The following PIK3CD variants were observed in gnomAD, a reference collection of about 807,000 sequenced individuals.
PIK3CD encodes the protein phosphatidylinositol-4,5-bisphosphate 3-kinase catalytic subunit delta, also known as phosphatidylinositol 4,5-bisphosphate 3-kinase catalytic subunit delta isoform.
PIK3CD carries 20 observed loss-of-function variants against 122.9 expected under a neutral mutation model. The ratio of observed to expected loss-of-function variants is 0.16; its 90% CI spans 0.11 to 0.24. The LOEUF (loss-of-function observed/expected upper bound fraction) is 0.24. PIK3CD is among the 10% of genes least tolerant of loss of function. The pLI, the probability that PIK3CD is intolerant of heterozygous loss-of-function variation, is 1.00. For missense variants in PIK3CD, 787 were observed against 1,406.3 expected (o/e 0.56, Z 7.04); for synonymous variants, 596 against 593.4 (o/e 1.00, Z -0.06).
rs906574650 is a variant in PIK3CD, at chr1:9,719,115, C to T, written c.1242+200C>T. Among the ~76,000 whole-genome samples, 2 of 152,244 alleles carry T rather than the reference C, an allele frequency of 1.3e-5. No individual in the cohort carries two copies. The highest frequency in any genetic ancestry group is 4.8e-5 in the African/African-American group (2 of 41,472). Reference sequence around the variant, plus strand: ...GAGGGACACTCTGGGCTCCTGGGCTCCTGTGCATGCGGCCTCAGAATATCT... The same window carrying T: ...GAGGGACACTCTGGGCTCCTGGGCTTCTGTGCATGCGGCCTCAGAATATCT... On this transcript the variant is annotated intron_variant, in intron 9 of 23. Coordinates refer to ENST00000377346, the MANE Select transcript of PIK3CD (RefSeq NM_005026.5). This position sits in a 1 kb window ranked among gnomAD's most constrained non-coding sequence, Gnocchi z 5.5.
At chr1:9,706,351 G>T (rs761486485) in intron 2 of PIK3CD, among the ~76,000 whole-genome samples, 1 of 151,702 alleles carries the variant, frequency 6.6e-6, no homozygotes, top group African/African-American at 2.4e-5. Flanking sequence ...AAGTTAGCAG[G>T]GCATGGTGGC....
At chr1:9,676,405 G>A (rs114033158) in intron 1 of PIK3CD, among the ~76,000 whole-genome samples, 3,424 of 152,306 alleles carry the variant, frequency 0.022, 57 homozygotes, top group Non-Finnish European at 0.036. Flanking sequence ...TGGAGTTGGC[G>A]TCTTGGACTC....
At chr1:9,684,518 CAGAG>C (rs897744124) in intron 1 of PIK3CD, among the ~76,000 whole-genome samples, 2 of 139,612 alleles carry the variant, frequency 1.4e-5, no homozygotes, top group Admixed American at 7.7e-5. Flanking sequence ...GCCTGGGCGA[CAGAG>C]AGAGACTCCG....
chr1:9,722,188 C>A lies in PIK3CD; in HGVS notation c.2234+35C>A. Reference sequence around the variant, plus strand: ...AGCCCCGCCACAAGGGTTCCTCCCACCCCTGGGAGGCCGGTAGAGGAGCCC... The same window carrying A: ...AGCCCCGCCACAAGGGTTCCTCCCAACCCTGGGAGGCCGGTAGAGGAGCCC... On this transcript the variant is annotated intron_variant, in intron 17 of 23. Coordinates refer to ENST00000377346, the MANE Select transcript of PIK3CD (RefSeq NM_005026.5). The surrounding 1 kb of genome is among the most constrained non-coding windows in gnomAD (Gnocchi z 7.6). 6.2e-7 allele frequency: 1 copy of A among 1,611,734 alleles called. No homozygotes were observed. Among genetic ancestry groups the A allele is most frequent in the Non-Finnish European group, 8.5e-7 (1 of 1,179,076 alleles).
intron 1 of PIK3CD, among the ~76,000 whole-genome samples, chr1:9,676,057 G>A (rs942479327): frequency 1.3e-5 from 2 of 150,980 alleles, no homozygotes; most frequent in South Asian, 2.1e-4. Flanking sequence ...TCAGCCTCCC[G>A]AATAGCTGGG....
Position 9,722,124 on chromosome 1 carries a change from C to G in PIK3CD, c.2205C>G (p.Leu735=). The G allele has an allele frequency of 1.2e-6, 2 of 1,613,196 alleles. No individual in the cohort carries two copies. Among genetic ancestry groups the G allele is most frequent in the Non-Finnish European group, 1.7e-6 (2 of 1,179,918 alleles). The stretch of plus-strand genomic sequence containing the variant: ...CCCTCTCCCACCTGCAGTCCCCACT[C>G]GACCCCAGCACCCTGCTGGCTGAAG... ...LEALSHLQSP[L]DPSTLLAEVC... The change falls in exon 17 of 24, where the codon CTC becomes CTG. Residue 735 remains leucine (L), a synonymous_variant. Coordinates refer to ENST00000377346, the MANE Select transcript of PIK3CD (RefSeq NM_005026.5). This position sits in a 1 kb window ranked among gnomAD's most constrained non-coding sequence, Gnocchi z 7.6.
Position 9,716,466 on chromosome 1 carries a change from C to T in PIK3CD, c.627C>T (p.Thr209=). The T allele has an allele frequency of 6.2e-7, 1 of 1,611,126 alleles. No individual in the cohort carries two copies. Among genetic ancestry groups the T allele is most frequent in the Non-Finnish European group, 8.5e-7 (1 of 1,179,928 alleles). ...SEESFTFQVS[T]KDVPLALMAC... ...AGAGCTTCACCTTCCAGGTGTCCAC[C>T]AAGGACGTGCCGCTGGCGCTGATGG... Residue 209 remains threonine (T), a synonymous_variant, in exon 6 of 24, where the codon ACC becomes ACT. Coordinates refer to ENST00000377346, the MANE Select transcript of PIK3CD (RefSeq NM_005026.5).
chr1:9,725,600 C>T (rs761655347), intron 23 of PIK3CD, among the ~76,000 whole-genome samples: 13 of 151,178 alleles, frequency 8.6e-5, no homozygotes, highest in South Asian at 2.1e-4. Flanking sequence ...TTTTCCAGGC[C>T]GGGTGCGGTG....
the PIK3CD span, among the ~76,000 whole-genome samples, chr1:9,646,229 G>A: frequency 6.6e-6 from 1 of 152,156 alleles, no homozygotes; most frequent in Non-Finnish European, 1.5e-5. Flanking sequence ...TCCGTAAATT[G>A]GGGATAAGAT....
intron 23 of PIK3CD, among the ~76,000 whole-genome samples, chr1:9,726,266 T>G: frequency 6.6e-6 from 1 of 152,012 alleles, no homozygotes; most frequent in Non-Finnish European, 1.5e-5. Context: ...CCCAGCACTT[T>G]GGGAGGCCAA....
At chr1:9,654,666 T>C in intron 1 of PIK3CD, 1 of 358,188 alleles carries the variant, frequency 2.8e-6, no homozygotes, top group South Asian at 2.1e-5. Flanking sequence ...CATTTTTGTG[T>C]AGAGAGCAGT....
At chr1:9,708,941 C>T (rs1363849672) in intron 2 of PIK3CD, among the ~76,000 whole-genome samples, 1 of 151,970 alleles carries the variant, frequency 6.6e-6, no homozygotes, top group East Asian at 1.9e-4. Flanking sequence ...GAGAAGGGGA[C>T]CTGGAAGAGG....
chr1:9,641,895 C>T, the PIK3CD span, among the ~76,000 whole-genome samples: 15 of 152,242 alleles, frequency 9.9e-5, no homozygotes, highest in Admixed American at 2.0e-4. Flanking sequence ...ACCATCTGCT[C>T]CACCCTTTCT....
In PIK3CD at chr1:9,720,501, C is replaced by G; in HGVS notation, c.1471-110C>G. ...GAGCTGCTGTGGATGCGCCTCCATG[C>G]AGAGGACAGCGCCCCCTCAAGGATG... is the stretch of plus-strand genomic sequence containing the variant. On this transcript the variant is annotated intron_variant, in intron 11 of 23. Coordinates refer to ENST00000377346, the MANE Select transcript of PIK3CD (RefSeq NM_005026.5). The surrounding 1 kb of genome is among the most constrained non-coding windows in gnomAD (Gnocchi z 9.0). 1 of 1,527,824 alleles carries G rather than the reference C, an allele frequency of 6.5e-7. No individual in the cohort carries two copies. The highest frequency in any genetic ancestry group is 8.8e-7 in the Non-Finnish European group (1 of 1,132,202). The allele number at this position is 1,527,824 out of a possible 1,614,324, so 94.6% of individuals were successfully genotyped here.
chr1:9,679,429 G>A (rs916785751), intron 1 of PIK3CD, among the ~76,000 whole-genome samples: 9 of 152,084 alleles, frequency 5.9e-5, no homozygotes, highest in African/African-American at 2.2e-4. Flanking sequence ...CTGGGCCTCA[G>A]GTGCTTGAGA....
At chr1:9,629,791 CG>C in the PIK3CD span, among the ~76,000 whole-genome samples, 19 of 152,206 alleles carry the variant, frequency 1.2e-4, no homozygotes, top group African/African-American at 4.1e-4. Context: ...GCAGTCGGGC[CG>C]GGACCGCCCC....
intron 23 of PIK3CD, among the ~76,000 whole-genome samples, chr1:9,725,890 TAAAATA>T (rs994787138): frequency 2.0e-5 from 3 of 150,698 alleles, no homozygotes; most frequent in Non-Finnish European, 3.0e-5. Context: ...AAAATAATAA[TAAAATA>T]AAAATAAACA....
chr1:9,706,058 T>TTC (rs1275982732), intron 2 of PIK3CD, among the ~76,000 whole-genome samples: 1 of 147,410 alleles, frequency 6.8e-6, no homozygotes, highest in Non-Finnish European at 1.5e-5. Flanking sequence ...GAATTTTTTT[T>TTC]TTTTTTTTTT....
intron 2 of PIK3CD, among the ~76,000 whole-genome samples, chr1:9,706,449 T>C (rs1168999077): frequency 6.6e-6 from 1 of 151,980 alleles, no homozygotes; most frequent in Non-Finnish European, 1.5e-5. Context: ...GCTATGATTG[T>C]GCCACTGTAC....
Sources: gnomAD v4.1 joint callset for allele counts (sites outside exome capture counted in the v4.1 genomes callset) on GRCh38, gnomAD v4.1.1 for gene constraint, Gnocchi (gnomAD v3.1) non-coding constraint, MANE v1.5 for transcripts, NCBI Gene and HGNC (gene_info 2026-07-23, HGNC 2026-07-21) for gene names.